The following ADAMTS19 variants were observed in gnomAD, a reference collection of about 807,000 sequenced individuals.
The protein encoded by ADAMTS19 is A disintegrin and metalloproteinase with thrombospondin motifs 19.
In ADAMTS19, 93 loss-of-function variants were observed where a neutral mutation model predicts 153.3. The ratio of observed to expected loss-of-function variants is 0.61; its 90% confidence interval spans 0.51 to 0.72. The LOEUF is 0.72. Among genes scored for constraint, ADAMTS19 ranks in the 30% least tolerant of loss-of-function variants. ADAMTS19 has a pLI of 0.00. For missense variants in ADAMTS19, 1,482 were observed against 1,552.1 expected (o/e 0.95, Z 0.76); for synonymous variants, 600 against 556.6 (o/e 1.08, Z -1.10).
intron 3 of ADAMTS19, among the ~76,000 whole-genome samples, chr5:129,522,775 G>C (rs1751868726): frequency 6.6e-6 from 1 of 152,068 alleles, no homozygotes; most frequent in Admixed American, 6.6e-5. Context: ...AAGAGATAAG[G>C]CTGGGAACAG....
intron 7 of ADAMTS19, among the ~76,000 whole-genome samples, chr5:129,559,053 G>C (rs1276213766): frequency 6.6e-6 from 1 of 152,014 alleles, no homozygotes; most frequent in Admixed American, 6.6e-5. Flanking sequence ...CTGTCAGGGA[G>C]AGGATACCAT....
intron 20 of ADAMTS19, among the ~76,000 whole-genome samples, chr5:129,702,941 A>AAAAAAAAAAAAAAT: frequency 6.8e-5 from 2 of 29,308 alleles, no homozygotes; most frequent in African/African-American, 1.7e-4. Context: ...AAAAAAAAAA[A>AAAAAAAAAAAAAAT]ATATATATAT....
chr5:129,671,513 T>C (rs1313145487), intron 16 of ADAMTS19, among the ~76,000 whole-genome samples: 2 of 152,184 alleles, frequency 1.3e-5, no homozygotes, highest in Non-Finnish European at 2.9e-5. Context: ...ATTGGAAATA[T>C]TCATCTTGAA....
intron 3 of ADAMTS19, among the ~76,000 whole-genome samples, chr5:129,517,424 C>G (rs1328064937): frequency 3.3e-5 from 5 of 151,884 alleles, no homozygotes; most frequent in African/African-American, 2.4e-5. Flanking sequence ...TATTCTCTCT[C>G]AATAGCTCTA....
chr5:129,558,508 C>T lies in ADAMTS19; in HGVS notation c.1372+6601C>T, dbSNP rs55670003. Among the ~76,000 whole-genome samples, 240 of 151,828 alleles carry T rather than the reference C, an allele frequency of 1.6e-3. 1 individual carries two copies. The highest frequency in any genetic ancestry group is 5.3e-3 in the African/African-American group (218 of 41,396). On this transcript the variant is annotated intron_variant, in intron 7 of 22. Coordinates refer to ENST00000274487, the MANE Select transcript of ADAMTS19 (RefSeq NM_133638.6). ...CTATATTACAATTCATTAAAGAAGACCTTGATGAAGAGATACACTCTACTC... is the reference window on the plus strand; with the variant it reads ...CTATATTACAATTCATTAAAGAAGATCTTGATGAAGAGATACACTCTACTC...
At chr5:129,649,568 T>C (rs1753220318) in intron 13 of ADAMTS19, among the ~76,000 whole-genome samples, 1 of 151,994 alleles carries the variant, frequency 6.6e-6, no homozygotes, top group African/African-American at 2.4e-5. Context: ...GGGATGGTGG[T>C]GGGGAGAGGG....
chr5:129,633,744 T>C (rs1752411699), intron 10 of ADAMTS19, among the ~76,000 whole-genome samples: 1 of 152,196 alleles, frequency 6.6e-6, no homozygotes, highest in Non-Finnish European at 1.5e-5. Context: ...TTTTGTCTCA[T>C]CTATTGTAGG....
chr5:129,485,528 A>G (rs546299048), intron 2 of ADAMTS19, among the ~76,000 whole-genome samples: 27 of 152,252 alleles, frequency 1.8e-4, no homozygotes, highest in Non-Finnish European at 3.8e-4. Context: ...AAAAATTAAT[A>G]TTCTGTAATG....
intron 7 of ADAMTS19, among the ~76,000 whole-genome samples, chr5:129,566,970 AG>A: frequency 3.0e-5 from 1 of 33,358 alleles, no homozygotes; most frequent in Middle Eastern, 0.01. Flanking sequence ...ACTTTCTGAA[AG>A]CAGGAAATGA....
chr5:129,561,819 ACTAT>A (rs3071537), intron 7 of ADAMTS19, among the ~76,000 whole-genome samples: 10,441 of 148,108 alleles, frequency 0.07, 470 homozygotes, highest in African/African-American at 0.11. Context: ...ATTTCACCCT[ACTAT>A]CTATCTATCT....
In ADAMTS19 at chr5:129,520,744, G is replaced by A. The variant is rs138543190; in HGVS notation, c.914-5540G>A. 2.8e-3 allele frequency among the ~76,000 whole-genome samples: 419 copies of A among 152,206 alleles called. 1 individual carries two copies. The highest frequency in any genetic ancestry group is 9.7e-3 in the African/African-American group (404 of 41,542). ...CCATGATTCTGAGATTCATTTACAT[G>A]ATTTCTAATGAGTCTGAAGTTGTAA... On this transcript the variant is annotated intron_variant, in intron 3 of 22. Transcript: ENST00000274487.
intron 2 of ADAMTS19, among the ~76,000 whole-genome samples, chr5:129,473,112 A>G (rs1320413005): frequency 6.6e-6 from 1 of 151,966 alleles, no homozygotes; most frequent in Non-Finnish European, 1.5e-5. Context: ...AAATAAAAAT[A>G]AAAAAGCAGG....
intron 2 of ADAMTS19, among the ~76,000 whole-genome samples, chr5:129,466,631 A>G (rs1749871352): frequency 6.6e-6 from 1 of 152,188 alleles, no homozygotes; most frequent in South Asian, 2.1e-4. Context: ...ATGAATATAA[A>G]ATAATAATAA....
At chr5:129,674,414 A>G (rs1469393844) in intron 16 of ADAMTS19, among the ~76,000 whole-genome samples, 3 of 152,150 alleles carry the variant, frequency 2.0e-5, no homozygotes, top group Admixed American at 2.0e-4. Context: ...TAAACATAAT[A>G]TAATTTTGGC....
intron 10 of ADAMTS19, among the ~76,000 whole-genome samples, chr5:129,640,337 G>T (rs1232087583): frequency 6.6e-6 from 1 of 151,996 alleles, no homozygotes; most frequent in Non-Finnish European, 1.5e-5. Context: ...AATATTTTGG[G>T]ATTTGCAACA....
intron 10 of ADAMTS19, among the ~76,000 whole-genome samples, chr5:129,628,368 T>TG: frequency 6.6e-6 from 1 of 152,180 alleles, no homozygotes; most frequent in South Asian, 2.1e-4. Flanking sequence ...GCTTAGTACG[T>TG]GGGTGATGAA....
intron 7 of ADAMTS19, among the ~76,000 whole-genome samples, chr5:129,589,348 T>C (rs1749980541): frequency 6.6e-6 from 1 of 151,934 alleles, no homozygotes; most frequent in Non-Finnish European, 1.5e-5. Flanking sequence ...CTTTTCCAGA[T>C]TAATGCTTAT....
chr5:129,601,551 C>G (rs1750650477), intron 8 of ADAMTS19, among the ~76,000 whole-genome samples: 1 of 152,086 alleles, frequency 6.6e-6, no homozygotes, highest in Non-Finnish European at 1.5e-5. Flanking sequence ...ACTCAGAAAA[C>G]TCAGCAAAGT....
At chr5:129,517,803 A>G (rs905819211) in intron 3 of ADAMTS19, among the ~76,000 whole-genome samples, 2 of 152,016 alleles carry the variant, frequency 1.3e-5, no homozygotes, top group African/African-American at 4.8e-5. Flanking sequence ...ATTGATAAGT[A>G]AGGACTTATA....
Sources: gnomAD v4.1 joint callset for allele counts (sites outside exome capture counted in the v4.1 genomes callset) on GRCh38, gnomAD v4.1.1 for gene constraint, MANE v1.5 for transcripts, NCBI Gene and HGNC (gene_info 2026-07-23, HGNC 2026-07-21) for gene names.